Variants in LDB2 observed in about 807,000 individuals in gnomAD.
The protein encoded by LDB2 is LIM domain binding 2, also known as LIM domain-binding protein 2.
A neutral mutation model predicts 44.3 loss-of-function variants in LDB2; 12 were observed. The ratio of observed to expected loss-of-function variants is 0.27; its 90% CI spans 0.17 to 0.44. The LOEUF (loss-of-function observed/expected upper bound fraction) is 0.44. LDB2 is among the 20% of genes least tolerant of loss of function. The pLI is 1.00. For missense variants in LDB2, 344 were observed against 473.5 expected (o/e 0.73, Z 2.54); for synonymous variants, 164 against 174.8 (o/e 0.94, Z 0.49).
At chr4:16,833,598 A>G (rs150918253) in intron 1 of LDB2, among the ~76,000 whole-genome samples, 2,516 of 145,956 alleles carry the variant, frequency 0.017, 76 homozygotes, top group African/African-American at 0.061. Context: ...TCTGGAGTGC[A>G]GTGGCGCGAT....
At position 16,582,151 on chromosome 4, in the gene LDB2, G is replaced by A. The variant is rs991499246; in HGVS notation, c.615+3771C>T. On this transcript the variant is annotated intron_variant, in intron 5 of 7. Coordinates refer to ENST00000304523, the MANE Select transcript of LDB2 (RefSeq NM_001290.5). The surrounding 1 kb of genome is among the most constrained non-coding windows in gnomAD (Gnocchi z 4.8). ...GTGCTATGTTTCTCACTGCACCTGG[G>A]AGCAATTTCTCTCCAAGAGTGTATT... 1.3e-5 allele frequency among the ~76,000 whole-genome samples: 2 copies of A among 152,154 alleles called. No individual in the cohort carries two copies. The highest frequency in any genetic ancestry group is 4.8e-5 in the African/African-American group (2 of 41,442).
intron 2 of LDB2, among the ~76,000 whole-genome samples, chr4:16,756,641 T>C (rs1766715379): frequency 6.6e-6 from 1 of 152,322 alleles, no homozygotes; most frequent in African/African-American, 2.4e-5. Flanking sequence ...ATTTATTCCT[T>C]CATTCAACAA....
intron 1 of LDB2, among the ~76,000 whole-genome samples, chr4:16,773,272 T>A (rs998497892): frequency 1.3e-5 from 2 of 152,204 alleles, no homozygotes; most frequent in African/African-American, 4.8e-5. Flanking sequence ...TCACGGACAC[T>A]CTGGGGGACG....
At chr4:16,863,168 A>C (rs1205911641) in intron 1 of LDB2, among the ~76,000 whole-genome samples, 1 of 152,202 alleles carries the variant, frequency 6.6e-6, no homozygotes, top group South Asian at 2.1e-4. Context: ...GAGTGCTCGC[A>C]TGTTTAAAGG....
At chr4:16,672,843 C>CCTTT (rs1553955348) in intron 2 of LDB2, among the ~76,000 whole-genome samples, 5 of 151,754 alleles carry the variant, frequency 3.3e-5, no homozygotes, top group Admixed American at 6.6e-5. Flanking sequence ...TTCCTTCCTT[C>CCTTT]CTTCCTTCCT....
At chr4:16,534,429 T>G (rs954873214) in intron 5 of LDB2, among the ~76,000 whole-genome samples, 2 of 152,194 alleles carry the variant, frequency 1.3e-5, no homozygotes, top group African/African-American at 4.8e-5. Context: ...GAGCTGGCCT[T>G]GCAGGAATTC....
chr4:16,580,773 A>G (rs555578125), intron 5 of LDB2, among the ~76,000 whole-genome samples: 124 of 152,162 alleles, frequency 8.1e-4, no homozygotes, highest in Non-Finnish European at 1.6e-3. Flanking sequence ...AAAATGGCAC[A>G]TTTTACTCAA....
intron 2 of LDB2, among the ~76,000 whole-genome samples, chr4:16,709,709 A>G (rs28468580): frequency 0.19 from 28,536 of 152,156 alleles, 3,328 homozygotes; most frequent in East Asian, 0.53. Context: ...ACATTAAAAG[A>G]TTTCAACTTC....
At position 16,785,008 on chromosome 4, in the gene LDB2, GT is replaced by G. The variant is rs34838806; in HGVS notation, c.133-25749del. Among the ~76,000 whole-genome samples the G allele has an allele frequency of 1.1e-3, 164 of 150,920 alleles. 1 individual carries two copies. Among genetic ancestry groups the G allele is most frequent in the African/African-American group, 3.7e-3 (152 of 41,016 alleles). On this transcript the variant is annotated intron_variant, in intron 1 of 7. Transcript: ENST00000304523. Reference sequence around the variant, plus strand: ...GGTGTTGCTCTATAATTGAAGAACAGTTTTTTTTTCATTGTTATTAATGGCA... The same window carrying G: ...GGTGTTGCTCTATAATTGAAGAACAGTTTTTTTTCATTGTTATTAATGGCA...
At chr4:16,702,832 A>G (rs1168044201) in intron 2 of LDB2, among the ~76,000 whole-genome samples, 4 of 152,008 alleles carry the variant, frequency 2.6e-5, no homozygotes, top group Non-Finnish European at 5.9e-5. Context: ...CCCATGACGG[A>G]CCTCCAGCCC....
chr4:16,771,874 C>A (rs1363316879), intron 1 of LDB2, among the ~76,000 whole-genome samples: 1 of 152,240 alleles, frequency 6.6e-6, no homozygotes, highest in African/African-American at 2.4e-5. Context: ...CCTGGAGGAT[C>A]TTTTAACAAT....
chr4:16,717,822 C>T (rs1222034123), intron 2 of LDB2, among the ~76,000 whole-genome samples: 1 of 152,106 alleles, frequency 6.6e-6, no homozygotes. Context: ...AGGCTCAAAT[C>T]TTCTTAAACA....
At chr4:16,599,334 C>G (rs374314690) in intron 2 of LDB2, among the ~76,000 whole-genome samples, 14 of 152,112 alleles carry the variant, frequency 9.2e-5, no homozygotes, top group Non-Finnish European at 1.9e-4. Context: ...CTTCCTCCAT[C>G]TTCAAAACTC....
In LDB2 at chr4:16,595,363, G is replaced by A. The variant is rs374134786; in HGVS notation, c.408+340C>T. On this transcript the variant is annotated intron_variant, in intron 3 of 7. Coordinates refer to ENST00000304523, the MANE Select transcript of LDB2 (RefSeq NM_001290.5). ...AGCTGAAATACAGTGCTGACCACGC[G>A]AAAATAGGATATTTCTTTCAGCTAT... Among the ~76,000 whole-genome samples the A allele has an allele frequency of 2.6e-5, 4 of 152,034 alleles. No individual in the cohort carries two copies. The East Asian group carries it at 5.8e-4, about 22-fold the overall frequency.
intron 5 of LDB2, among the ~76,000 whole-genome samples, chr4:16,571,970 G>A (rs960752435): frequency 6.6e-6 from 1 of 152,110 alleles, no homozygotes; most frequent in Non-Finnish European, 1.5e-5. Context: ...AGACGATGAG[G>A]CCATAGAATC....
At chr4:16,645,283 T>C (rs1335286370) in intron 2 of LDB2, among the ~76,000 whole-genome samples, 1 of 152,092 alleles carries the variant, frequency 6.6e-6, no homozygotes, top group Non-Finnish European at 1.5e-5. Context: ...ACGCCTGTAA[T>C]CCCAGCACTT....
intron 1 of LDB2, among the ~76,000 whole-genome samples, chr4:16,769,026 A>G (rs16893966): frequency 0.014 from 2,168 of 152,286 alleles, 57 homozygotes; most frequent in African/African-American, 0.05. Context: ...ATTCAAAACA[A>G]TATCTCTAAA....
At chr4:16,507,852 T>C (rs1250077792) in intron 7 of LDB2, among the ~76,000 whole-genome samples, 2 of 152,108 alleles carry the variant, frequency 1.3e-5, no homozygotes, top group African/African-American at 4.8e-5. Flanking sequence ...TGAAGAAAGT[T>C]CCTGTGCAGT....
At chr4:16,869,170 A>G (rs1394405900) in intron 1 of LDB2, among the ~76,000 whole-genome samples, 1 of 152,128 alleles carries the variant, frequency 6.6e-6, no homozygotes, top group Non-Finnish European at 1.5e-5. Flanking sequence ...CCCATTCATC[A>G]GGTGAGGAAG....
Sources: allele counts gnomAD v4.1 joint callset (sites outside exome capture counted in the v4.1 genomes callset), GRCh38; gene constraint gnomAD v4.1.1; non-coding constraint Gnocchi (gnomAD v3.1); transcripts MANE v1.5; gene names NCBI Gene and HGNC (gene_info 2026-07-23, HGNC 2026-07-21).